Variants in SHISA9 observed in about 807,000 individuals in gnomAD.
The protein encoded by SHISA9 is protein shisa-9.
Under a neutral mutation model 38.0 loss-of-function variants are expected in SHISA9, and 13 were observed. That is an observed-to-expected ratio of 0.34 (90% CI 0.22 to 0.54). SHISA9 has a LOEUF of 0.54. SHISA9 is among the 20% of genes least tolerant of loss of function. The pLI is 0.91. For synonymous variants in SHISA9, 275 were observed against 242.0 expected (o/e 1.14, Z -1.27); for missense variants, 538 against 575.8 (o/e 0.93, Z 0.67).
At chr16:13,271,880 G>A in the SHISA9 span, among the ~76,000 whole-genome samples, 1,662 of 152,010 alleles carry the variant, frequency 0.011, 31 homozygotes, top group African/African-American at 0.038. Flanking sequence ...TCAGGAGTTC[G>A]AGACCAGCCT....
At chr16:13,215,172 A>G (rs573081678) in intron 4 of SHISA9, among the ~76,000 whole-genome samples, 8 of 152,214 alleles carry the variant, frequency 5.3e-5, no homozygotes, top group South Asian at 2.1e-4. Flanking sequence ...CATGAGACCA[A>G]TGGTTCTCAC....
the SHISA9 span, among the ~76,000 whole-genome samples, chr16:13,397,502 T>G: frequency 6.6e-6 from 1 of 152,204 alleles, no homozygotes; most frequent in African/African-American, 2.4e-5. Context: ...TAGTGCAATC[T>G]TGGCTTACTG....
intron 2 of SHISA9, among the ~76,000 whole-genome samples, chr16:13,122,054 A>G (rs147170941): frequency 1.3e-5 from 2 of 152,344 alleles, no homozygotes; most frequent in African/African-American, 4.8e-5. Context: ...GTCAGATGTC[A>G]TATTTTTAGC....
chr16:13,530,403 T>C, the SHISA9 span, among the ~76,000 whole-genome samples: 1 of 152,188 alleles, frequency 6.6e-6, no homozygotes, highest in Non-Finnish European at 1.5e-5. Flanking sequence ...TATGTAAGAT[T>C]GAGATGATTA....
rs188349515 is a variant in SHISA9 at position 12,955,720 on chromosome 16, C to G, written c.691+38905C>G. Among the ~76,000 whole-genome samples the G allele has an allele frequency of 1.1e-4, 17 of 150,370 alleles. No homozygotes were observed. In the East Asian group the frequency reaches 2.9e-3, roughly 26 times the overall value. ...GCTAGCCATATGCAGAAAAATAAAA[C>G]TGACATCTAAACTCTCACCATATGC... On this transcript the variant is annotated intron_variant, in intron 2 of 4. Transcript: ENST00000558583.
the SHISA9 span, among the ~76,000 whole-genome samples, chr16:13,324,936 T>C: frequency 2.0e-5 from 3 of 152,206 alleles, no homozygotes; most frequent in African/African-American, 7.2e-5. Flanking sequence ...GTTTTCCTGA[T>C]TGGATATTGT....
At chr16:13,044,369 C>G (rs1026268804) in intron 2 of SHISA9, among the ~76,000 whole-genome samples, 14 of 152,220 alleles carry the variant, frequency 9.2e-5, no homozygotes, top group African/African-American at 2.7e-4. Context: ...TACTTGTTCT[C>G]TGACCTTGGG....
chr16:12,975,662 G>GC lies in SHISA9; in HGVS notation c.691+58847_691+58848insC, dbSNP rs796967531. ...GGGTGGGGTGGGACGGGGGCGGGGG[G>GC]GGTAAGGGCATGTCACTATGAATAG... On this transcript the variant is annotated intron_variant, in intron 2 of 4. Transcript: ENST00000558583. Among the ~76,000 whole-genome samples the GC allele has an allele frequency of 7.9e-4, 112 of 142,328 alleles. 1 individual carries two copies. Among genetic ancestry groups the GC allele is most frequent in the East Asian group, 4.3e-3 (18 of 4,194 alleles). 93.4% of individuals were successfully genotyped at this position (142,328 alleles called of 152,430 possible).
Position 13,126,641 on chromosome 16 carries a change from G to C in SHISA9, c.692-76753G>C, listed in dbSNP as rs552464395. On this transcript the variant is annotated intron_variant, in intron 2 of 4. Transcript: ENST00000558583. ...ATGGAGGCAGAGGGGTGGGGAGAGA[G>C]AGAGGTGGAGAGAGAGACTGAGGAA... Among the ~76,000 whole-genome samples the C allele has an allele frequency of 2.2e-3, 329 of 148,178 alleles. 5 individuals are homozygous for C. Among genetic ancestry groups the C allele is most frequent in the Non-Finnish European group, 2.7e-3 (179 of 67,340 alleles).
At chr16:13,141,860 C>A (rs1317166281) in intron 2 of SHISA9, among the ~76,000 whole-genome samples, 1 of 152,152 alleles carries the variant, frequency 6.6e-6, no homozygotes, top group Non-Finnish European at 1.5e-5. Flanking sequence ...GATTTGTCTA[C>A]TAACATAATG....
rs73514800 is a variant in SHISA9 at position 12,955,178 on chromosome 16, A to C, written c.691+38363A>C. 6.7e-3 allele frequency among the ~76,000 whole-genome samples: 1,015 copies of C among 152,192 alleles called. 18 individuals carry two copies. The highest frequency in any genetic ancestry group is 0.024 in the African/African-American group (978 of 41,508). On this transcript the variant is annotated intron_variant, in intron 2 of 4. Transcript: ENST00000558583. Reference sequence around the variant, plus strand: ...GGGATTGTCTCTGCTGTCCCTGACAAAGGCTCTAGACAATGGGCATGTCAG... The same window carrying C: ...GGGATTGTCTCTGCTGTCCCTGACACAGGCTCTAGACAATGGGCATGTCAG...
At chr16:13,089,154 G>A (rs57930106) in intron 2 of SHISA9, among the ~76,000 whole-genome samples, 3,271 of 151,496 alleles carry the variant, frequency 0.022, 131 homozygotes, top group African/African-American at 0.075. Context: ...TCCCAGGGAT[G>A]AAGATCATGG....
chr16:13,103,174 A>G (rs1260810958), intron 2 of SHISA9, among the ~76,000 whole-genome samples: 1 of 152,182 alleles, frequency 6.6e-6, no homozygotes, highest in Non-Finnish European at 1.5e-5. Flanking sequence ...GATTGAATTT[A>G]GTGTGTCAGA....
intron 2 of SHISA9, among the ~76,000 whole-genome samples, chr16:13,193,268 C>T (rs6498393): frequency 0.51 from 78,205 of 151,866 alleles, 21,437 homozygotes; most frequent in African/African-American, 0.71. Flanking sequence ...GCTTTGGTTT[C>T]CTTGTTTGTA....
At chr16:13,282,605 T>C in the SHISA9 span, among the ~76,000 whole-genome samples, 157 of 152,200 alleles carry the variant, frequency 1.0e-3, no homozygotes, top group African/African-American at 3.6e-3. Flanking sequence ...TCTTTTCTCT[T>C]TTGGAGACTT....
chr16:12,991,767 T>G (rs887150160), intron 2 of SHISA9, among the ~76,000 whole-genome samples: 1 of 152,306 alleles, frequency 6.6e-6, no homozygotes, highest in East Asian at 1.9e-4. Context: ...CAAGCCTGTG[T>G]GTTCAAAAGC....
At chr16:13,495,424 A>G in the SHISA9 span, among the ~76,000 whole-genome samples, 1 of 152,302 alleles carries the variant, frequency 6.6e-6, no homozygotes, top group South Asian at 2.1e-4. Flanking sequence ...GAAAGATAAT[A>G]TATACCAAAG....
chr16:13,032,138 T>C (rs908164060), intron 2 of SHISA9, among the ~76,000 whole-genome samples: 2 of 152,166 alleles, frequency 1.3e-5, no homozygotes, highest in Non-Finnish European at 2.9e-5. Context: ...AAGCCCCGCG[T>C]GCATTAGGTA....
At chr16:12,975,658 G>GGT (rs1555451382) in intron 2 of SHISA9, among the ~76,000 whole-genome samples, 1 of 147,720 alleles carries the variant, frequency 6.8e-6, no homozygotes, top group African/African-American at 2.5e-5. Context: ...GACGGGGGCG[G>GGT]GGGGGGTAAG....
Sources: gnomAD v4.1 joint callset for allele counts (sites outside exome capture counted in the v4.1 genomes callset) on GRCh38, gnomAD v4.1.1 for gene constraint, MANE v1.5 for transcripts, NCBI Gene and HGNC (gene_info 2026-07-23, HGNC 2026-07-21) for gene names.